ATP8A1: variants seen among roughly 807,000 people sequenced by gnomAD.
ATP8A1 encodes the protein ATPase phospholipid transporting 8A1, also known as phospholipid-transporting ATPase IA.
In ATP8A1, 90 loss-of-function variants were observed where a neutral mutation model predicts 177.7. That is an observed-to-expected ratio of 0.51 (90% confidence interval 0.43 to 0.60). The LOEUF (loss-of-function observed/expected upper bound fraction) is 0.60, where lower values mean the gene tolerates loss of function less well. Among genes scored for constraint, ATP8A1 ranks in the 20% least tolerant of loss-of-function variants. The pLI is 0.00. For missense variants in ATP8A1, 1,072 were observed against 1,392.8 expected (o/e 0.77, Z 3.67); for synonymous variants, 493 against 485.9 (o/e 1.01, Z -0.19).
At chr4:42,643,056 G>T (rs542278834) in intron 1 of ATP8A1, among the ~76,000 whole-genome samples, 1 of 152,274 alleles carries the variant, frequency 6.6e-6, no homozygotes, top group African/African-American at 2.4e-5. Context: ...AGCACCTCAA[G>T]AGCCAAAAGA....
At chr4:42,606,000 C>T (rs1735760436) in intron 5 of ATP8A1, among the ~76,000 whole-genome samples, 1 of 152,198 alleles carries the variant, frequency 6.6e-6, no homozygotes, top group Non-Finnish European at 1.5e-5. Context: ...TGAATCCTCG[C>T]ACACCTTTCT....
intron 24 of ATP8A1, among the ~76,000 whole-genome samples, chr4:42,499,048 A>G (rs918719425): frequency 2.0e-5 from 3 of 152,218 alleles, no homozygotes; most frequent in Non-Finnish European, 4.4e-5. Flanking sequence ...CTGGTACAAA[A>G]TACACAGAAA....
At position 42,507,108 on chromosome 4, in the gene ATP8A1, T is replaced by C. The variant is rs143631171; in HGVS notation, c.1994A>G (p.Asp665Gly). ...GATAIEDKLQ[D>G]QVPETIETLM... ...CGTTTCTATGGTTTCAGGCACTTGA[T>C]CTTGTAATTTATCCTCAATGGCTGT... The change falls in exon 23 of 37, where the codon GAT becomes GGT. Residue 665 changes from aspartate (D) to glycine (G), a missense_variant. Coordinates refer to ENST00000381668, the MANE Select transcript of ATP8A1 (RefSeq NM_006095.2). 3.6e-5 allele frequency: 58 copies of C among 1,613,956 alleles called. No individual in the cohort carries two copies. The highest frequency in any genetic ancestry group is 4.8e-5 in the Non-Finnish European group (57 of 1,179,954).
intron 8 of ATP8A1, 92 bp downstream of exon 8, chr4:42,588,168 G>A: frequency 9.4e-7 from 1 of 1,067,480 alleles, no homozygotes; most frequent in South Asian, 1.5e-5. Context: ...CAATAGGACA[G>A]ATTAGTTCAA....
chr4:42,445,701 G>T (rs1717136922), intron 31 of ATP8A1, among the ~76,000 whole-genome samples: 1 of 152,134 alleles, frequency 6.6e-6, no homozygotes. Context: ...TTTCTCAGCA[G>T]GATAGCTAAT....
At chr4:42,488,504 T>A (rs1361971636) in intron 24 of ATP8A1, among the ~76,000 whole-genome samples, 1 of 152,344 alleles carries the variant, frequency 6.6e-6, no homozygotes, top group South Asian at 2.1e-4. Context: ...CCTCATCATC[T>A]GTCTCTCATC....
intron 8 of ATP8A1, among the ~76,000 whole-genome samples, chr4:42,587,920 T>C (rs1733792490): frequency 6.6e-6 from 1 of 152,232 alleles, no homozygotes; most frequent in South Asian, 2.1e-4. Flanking sequence ...TGTACAGCTT[T>C]TTAACATGGC....
chr4:42,610,173 T>C, intron 5 of ATP8A1, among the ~76,000 whole-genome samples: 1 of 152,036 alleles, frequency 6.6e-6, no homozygotes, highest in Middle Eastern at 3.4e-3. Flanking sequence ...TTTTTTTTTT[T>C]TTACCTTGAA....
intron 4 of ATP8A1, among the ~76,000 whole-genome samples, chr4:42,619,925 C>G (rs1429021416): frequency 6.6e-6 from 1 of 152,168 alleles, no homozygotes; most frequent in East Asian, 1.9e-4. Flanking sequence ...CAATAACCAC[C>G]TATATTCCAC....
chr4:42,593,226 C>T (rs1165381385), intron 6 of ATP8A1, among the ~76,000 whole-genome samples: 1 of 151,994 alleles, frequency 6.6e-6, no homozygotes, highest in Non-Finnish European at 1.5e-5. Flanking sequence ...AATAAGCTCT[C>T]CCTCAAGCTA....
chr4:42,516,248 C>T (rs1379899884), intron 22 of ATP8A1, among the ~76,000 whole-genome samples: 3 of 152,180 alleles, frequency 2.0e-5, no homozygotes, highest in Non-Finnish European at 4.4e-5. Flanking sequence ...ACAAAATGCA[C>T]ATAAAACACA....
intron 15 of ATP8A1, among the ~76,000 whole-genome samples, chr4:42,559,825 C>T (rs1429770600): frequency 6.6e-6 from 1 of 152,216 alleles, no homozygotes; most frequent in African/African-American, 2.4e-5. Flanking sequence ...CCTGCCTCAG[C>T]CTCCCAAGTA....
intron 25 of ATP8A1, chr4:42,472,082 T>C: frequency 1.4e-6 from 1 of 715,482 alleles, no homozygotes; most frequent in East Asian, 2.6e-5. Flanking sequence ...GTGGGAAGCA[T>C]GCTGTCTTTA....
intron 15 of ATP8A1, among the ~76,000 whole-genome samples, chr4:42,562,850 C>G (rs901842151): frequency 5.3e-5 from 8 of 152,208 alleles, no homozygotes; most frequent in Non-Finnish European, 1.2e-4. Flanking sequence ...ACTTGCTCTT[C>G]CTTGCTTTCT....
intron 29 of ATP8A1, among the ~76,000 whole-genome samples, chr4:42,452,678 T>C (rs973078456): frequency 6.6e-6 from 1 of 152,220 alleles, no homozygotes; most frequent in Non-Finnish European, 1.5e-5. Context: ...ATATAATAGT[T>C]ACTACTTTTT....
intron 6 of ATP8A1, among the ~76,000 whole-genome samples, chr4:42,594,700 C>T (rs1577667124): frequency 6.6e-6 from 1 of 152,156 alleles, no homozygotes; most frequent in Non-Finnish European, 1.5e-5. Context: ...TGAAGAAAAT[C>T]TCAATGCAAC....
chr4:42,569,294 A>T (rs777409006), intron 14 of ATP8A1, 89 bp from the exon 15 acceptor site: 23 of 992,748 alleles, frequency 2.3e-5, no homozygotes, highest in Non-Finnish European at 3.3e-5. Context: ...GGAAGTATAA[A>T]AAGATGGATC....
At chr4:42,595,129 C>CA (rs756961185) in intron 6 of ATP8A1, among the ~76,000 whole-genome samples, 28 of 152,154 alleles carry the variant, frequency 1.8e-4, no homozygotes, top group Non-Finnish European at 3.4e-4. Flanking sequence ...GCTCCCTTTA[C>CA]ATCATGAAAG....
chr4:42,593,627 TA>T (rs1734417313), intron 6 of ATP8A1, among the ~76,000 whole-genome samples: 1 of 152,050 alleles, frequency 6.6e-6, no homozygotes, highest in Non-Finnish European at 1.5e-5. Context: ...TCTAAAATAT[TA>T]AAAACAATTT....
Sources: allele counts gnomAD v4.1 joint callset (sites outside exome capture counted in the v4.1 genomes callset), GRCh38; gene constraint gnomAD v4.1.1; transcripts MANE v1.5; gene names NCBI Gene and HGNC (gene_info 2026-07-23, HGNC 2026-07-21).